SGCD: variants seen among roughly 807,000 people sequenced by gnomAD.
SGCD encodes the protein delta-sarcoglycan.
In SGCD, 18 loss-of-function variants were observed where a neutral mutation model predicts 36.6. The ratio of observed to expected loss-of-function variants is 0.49; its 90% CI spans 0.34 to 0.73. The LOEUF (loss-of-function observed/expected upper bound fraction) is 0.73. SGCD is among the 30% of genes least tolerant of loss of function. SGCD has a pLI of 0.01. For synonymous variants in SGCD, 133 were observed against 130.6 expected (o/e 1.02, Z -0.12); for missense variants, 387 against 346.7 (o/e 1.12, Z -0.92).
intron 3 of SGCD, among the ~76,000 whole-genome samples, chr5:156,311,401 C>T (rs1032754150): frequency 6.6e-6 from 1 of 152,002 alleles, no homozygotes; most frequent in Non-Finnish European, 1.5e-5. Context: ...TTTTAATATC[C>T]TTAATTTTTT....
chr5:155,789,155 G>T, the SGCD span, among the ~76,000 whole-genome samples: 1 of 152,110 alleles, frequency 6.6e-6, no homozygotes, highest in South Asian at 2.1e-4. Flanking sequence ...TATGAGTTCT[G>T]GTCTCTTCAT....
In SGCD at chr5:156,215,497, A is replaced by G. The variant is rs374418487; in HGVS notation, c.-44+91478A>G. Among the ~76,000 whole-genome samples, 3 of 152,234 alleles carry G rather than the reference A, an allele frequency of 2.0e-5. No homozygotes were observed. In the Middle Eastern group the frequency reaches 0.01, roughly 518 times the overall value. On this transcript the variant is annotated intron_variant, in intron 3 of 9. Transcript: ENST00000517913. ...AAACTCAATAGCAAGAAGACAAATA[A>G]CCTGATTTACAAATGGACAAAGGAC...
At chr5:156,692,031 A>T (rs1332588865) in intron 7 of SGCD, among the ~76,000 whole-genome samples, 2 of 152,238 alleles carry the variant, frequency 1.3e-5, no homozygotes, top group East Asian at 3.8e-4. Flanking sequence ...CTAGACTTTC[A>T]ACTTGTGACT....
chr5:156,322,293 C>T (rs1357247511), upstream of SGCD, among the ~76,000 whole-genome samples: 1 of 152,034 alleles, frequency 6.6e-6, no homozygotes, highest in Non-Finnish European at 1.5e-5. Context: ...TCTAAAAAGT[C>T]AAGATATAGA....
At chr5:156,018,221 A>G (rs78934331) in intron 1 of SGCD, among the ~76,000 whole-genome samples, 3,162 of 152,288 alleles carry the variant, frequency 0.021, 124 homozygotes, top group African/African-American at 0.072. Flanking sequence ...AAATGTTAAG[A>G]TCCTATTTGT....
intron 7 of SGCD, among the ~76,000 whole-genome samples, chr5:156,682,285 GT>G (rs763116793): frequency 1.8e-3 from 272 of 152,288 alleles, no homozygotes; most frequent in Non-Finnish European, 3.2e-3. Context: ...AAATGTATAG[GT>G]TTATTCTCGT....
At chr5:156,624,075 AT>A (rs1338141461) in intron 6 of SGCD, among the ~76,000 whole-genome samples, 1 of 152,174 alleles carries the variant, frequency 6.6e-6, no homozygotes, top group East Asian at 1.9e-4. Flanking sequence ...TTAGGCTGCA[AT>A]ATGATGTCTG....
chr5:156,078,385 C>T (rs1760848340), intron 1 of SGCD, among the ~76,000 whole-genome samples: 1 of 151,208 alleles, frequency 6.6e-6, no homozygotes, highest in Admixed American at 6.6e-5. Context: ...TGGTGAGGCT[C>T]ACCTGTAATC....
the SGCD span, among the ~76,000 whole-genome samples, chr5:155,798,275 C>G: frequency 6.6e-6 from 1 of 152,194 alleles, no homozygotes; most frequent in South Asian, 2.1e-4. Flanking sequence ...TCACCCAGTT[C>G]TACTGATTTA....
chr5:156,336,372 CTG>C (rs1302156462), intron 2 of SGCD, among the ~76,000 whole-genome samples: 2 of 152,174 alleles, frequency 1.3e-5, no homozygotes, highest in Admixed American at 6.5e-5. Context: ...TCTGCTGCTT[CTG>C]TGTTTTCTTC....
intron 3 of SGCD, among the ~76,000 whole-genome samples, chr5:156,396,650 A>G (rs1561668698): frequency 6.6e-6 from 1 of 152,172 alleles, no homozygotes; most frequent in South Asian, 2.1e-4. Flanking sequence ...ACCTCTGGAC[A>G]GTATTGTTGA....
At chr5:156,401,119 A>C (rs1041129853) in intron 3 of SGCD, among the ~76,000 whole-genome samples, 3 of 152,234 alleles carry the variant, frequency 2.0e-5, no homozygotes, top group Admixed American at 2.0e-4. Flanking sequence ...TGAAGTGATT[A>C]GAGCAGAGGT....
chr5:156,664,639 C>T lies in SGCD; in HGVS notation c.575+17103C>T, dbSNP rs1188535564. Among the ~76,000 whole-genome samples, 358 of 61,768 alleles carry T rather than the reference C, an allele frequency of 5.8e-3. 2 individuals carry two copies. The highest frequency in any genetic ancestry group is 9.4e-3 in the Non-Finnish European group (299 of 31,878). The allele number at this position is 61,768 out of a possible 152,430, so 40.5% of individuals were successfully genotyped here. On this transcript the variant is annotated intron_variant, in intron 7 of 8. Coordinates refer to ENST00000337851, the MANE Select transcript of SGCD (RefSeq NM_000337.6). ...TGGAGGATTGGCAGCCCTATTTCTT[C>T]GGACCTGTTCTTGTACCCCATCAAT...
intron 3 of SGCD, among the ~76,000 whole-genome samples, chr5:156,504,392 G>GTATATATATATATATATATATA (rs59580975): frequency 6.0e-4 from 45 of 75,070 alleles, no homozygotes; most frequent in African/African-American, 1.4e-3. Context: ...GTGTGTGTGT[G>GTATATATATATATATATATATA]TATATATATA....
At chr5:156,368,471 C>G (rs780392569) in intron 3 of SGCD, among the ~76,000 whole-genome samples, 15 of 152,236 alleles carry the variant, frequency 9.9e-5, no homozygotes, top group Non-Finnish European at 2.1e-4. Flanking sequence ...GAAGAAACCT[C>G]TACCGTAGGA....
At chr5:156,185,780 A>T (rs1319485229) in intron 3 of SGCD, among the ~76,000 whole-genome samples, 1 of 142,834 alleles carries the variant, frequency 7.0e-6, no homozygotes, top group Non-Finnish European at 1.5e-5. Context: ...TTTTAAAAAC[A>T]GTGGGCTGTG....
At chr5:156,417,857 G>A (rs1201856915) in intron 3 of SGCD, among the ~76,000 whole-genome samples, 1 of 152,158 alleles carries the variant, frequency 6.6e-6, no homozygotes, top group African/African-American at 2.4e-5. Context: ...CTAGAGCTCA[G>A]TTGCCAAGAT....
intron 6 of SGCD, among the ~76,000 whole-genome samples, chr5:156,619,409 A>G (rs904439881): frequency 6.6e-6 from 1 of 152,226 alleles, no homozygotes; most frequent in Non-Finnish European, 1.5e-5. Context: ...GGATTTCTCT[A>G]TCAAGCCATA....
chr5:156,074,491 G>C (rs1408519674), intron 1 of SGCD, among the ~76,000 whole-genome samples: 7 of 152,126 alleles, frequency 4.6e-5, no homozygotes, highest in Admixed American at 4.6e-4. Context: ...AAATCAGCCT[G>C]GACAGCGTGG....
Sources: allele counts gnomAD v4.1 joint callset (sites outside exome capture counted in the v4.1 genomes callset), GRCh38; gene constraint gnomAD v4.1.1; transcripts MANE v1.5; gene names NCBI Gene and HGNC (gene_info 2026-07-23, HGNC 2026-07-21).